The following KHDRBS2 variants were observed in gnomAD, a reference collection of about 807,000 sequenced individuals.
KHDRBS2 encodes KH RNA binding domain containing, signal transduction associated 2.
Under a neutral mutation model 44.3 loss-of-function variants are expected in KHDRBS2, and 26 were observed. That is an observed-to-expected ratio of 0.59 (90% CI 0.43 to 0.81). The LOEUF is 0.81. Ranked by LOEUF, KHDRBS2 falls within the 40% of genes least tolerant of loss-of-function variation. KHDRBS2 has a pLI of 0.00. For synonymous variants in KHDRBS2, 194 were observed against 151.1 expected, an observed-to-expected ratio of 1.28 and a Z score of -2.08; for missense variants, 476 against 433.1, an observed-to-expected ratio of 1.10 and a Z score of -0.88.
intron 6 of KHDRBS2, among the ~76,000 whole-genome samples, chr6:61,788,723 G>C (rs1194680378): frequency 6.6e-6 from 1 of 150,938 alleles, no homozygotes; most frequent in African/African-American, 2.4e-5. Context: ...CTGATTATAG[G>C]AGAATAATTT....
At chr6:62,142,915 C>G (rs1274478800) in intron 2 of KHDRBS2, among the ~76,000 whole-genome samples, 1 of 149,290 alleles carries the variant, frequency 6.7e-6, no homozygotes, top group Non-Finnish European at 1.5e-5. Flanking sequence ...ATTTGTGTTT[C>G]AATGATTTGT....
chr6:61,603,829 C>T, the KHDRBS2 span, among the ~76,000 whole-genome samples: 1 of 152,166 alleles, frequency 6.6e-6, no homozygotes, highest in Admixed American at 6.5e-5. Flanking sequence ...CCAGATACCA[C>T]ACCTGACCAC....
At chr6:61,567,447 A>T in the KHDRBS2 span, among the ~76,000 whole-genome samples, 1 of 152,174 alleles carries the variant, frequency 6.6e-6, no homozygotes. Flanking sequence ...CAGCCTCAGC[A>T]ACAAGGCAAG....
intron 6 of KHDRBS2, among the ~76,000 whole-genome samples, chr6:61,890,443 A>G (rs191704546): frequency 3.8e-4 from 58 of 152,324 alleles, no homozygotes; most frequent in African/African-American, 1.2e-3. Flanking sequence ...TTCACTATAA[A>G]TTGGAACACA....
chr6:62,060,615 C>G (rs1388903496), intron 2 of KHDRBS2, among the ~76,000 whole-genome samples: 4 of 143,396 alleles, frequency 2.8e-5, no homozygotes, highest in Admixed American at 1.4e-4. Context: ...CTCTGTCTCT[C>G]TCTCTCTCTC....
the KHDRBS2 span, among the ~76,000 whole-genome samples, chr6:61,606,233 C>A: frequency 5.3e-5 from 8 of 152,184 alleles, no homozygotes; most frequent in Non-Finnish European, 1.0e-4. Flanking sequence ...ATTGCTCACA[C>A]AAAGCCTGTT....
chr6:61,804,414 T>C (rs994099037), intron 6 of KHDRBS2, among the ~76,000 whole-genome samples: 2 of 152,128 alleles, frequency 1.3e-5, no homozygotes, highest in African/African-American at 4.8e-5. Flanking sequence ...GTGGATTTTC[T>C]AGGCACATGA....
At chr6:62,016,627 T>G (rs1466777038) in intron 3 of KHDRBS2, among the ~76,000 whole-genome samples, 1 of 149,282 alleles carries the variant, frequency 6.7e-6, no homozygotes, top group Non-Finnish European at 1.5e-5. Flanking sequence ...ATATATATAC[T>G]TGGATATTAA....
At chr6:62,166,000 C>T (rs1229313317) in intron 2 of KHDRBS2, among the ~76,000 whole-genome samples, 1 of 151,966 alleles carries the variant, frequency 6.6e-6, no homozygotes, top group African/African-American at 2.4e-5. Flanking sequence ...ACCGCTATTC[C>T]ACTTTCTGTC....
At chr6:61,588,807 G>A in the KHDRBS2 span, among the ~76,000 whole-genome samples, 1 of 151,990 alleles carries the variant, frequency 6.6e-6, no homozygotes, top group East Asian at 1.9e-4. Flanking sequence ...AAAAGACTTG[G>A]AACCAACCCA....
rs540210156 is a variant in KHDRBS2, at chr6:61,900,274, A to G, written c.611+970T>C. 2.0e-5 allele frequency among the ~76,000 whole-genome samples: 3 copies of G among 152,178 alleles called. No homozygotes were observed. The South Asian group carries it at 6.2e-4, about 32-fold the overall frequency. ...AGTGTTACAAACAGTGGCTATGTTG[A>G]TAGTGGTGGTTGAAAGTATTTGAGG... On this transcript the variant is annotated intron_variant, in intron 5 of 8. Transcript: ENST00000281156.
the KHDRBS2 span, among the ~76,000 whole-genome samples, chr6:61,574,630 G>T: frequency 1.3e-5 from 2 of 152,176 alleles, no homozygotes; most frequent in Non-Finnish European, 2.9e-5. Context: ...TACCCTAGGG[G>T]CGTGGTAGCT....
intron 2 of KHDRBS2, among the ~76,000 whole-genome samples, chr6:62,149,512 TC>T (rs758159558): frequency 3.3e-5 from 5 of 151,922 alleles, no homozygotes; most frequent in Non-Finnish European, 7.4e-5. Flanking sequence ...CTTTGTCCAT[TC>T]CCCCAACTAA....
At chr6:62,129,221 C>A (rs1809683111) in intron 2 of KHDRBS2, among the ~76,000 whole-genome samples, 1 of 151,868 alleles carries the variant, frequency 6.6e-6, no homozygotes, top group African/African-American at 2.4e-5. Context: ...TTATTAAAAC[C>A]CCACAACAAG....
At chr6:62,162,581 T>C (rs1354940017) in intron 2 of KHDRBS2, among the ~76,000 whole-genome samples, 5 of 152,086 alleles carry the variant, frequency 3.3e-5, no homozygotes, top group Non-Finnish European at 1.5e-5. Flanking sequence ...TCAAAATTAA[T>C]GGCAATTTAC....
rs1477335256 is a variant in KHDRBS2, at chr6:61,955,592, A to G, written c.483+22474T>C. Among the ~76,000 whole-genome samples the G allele has an allele frequency of 9.0e-5, 6 of 66,748 alleles. 2 individuals are homozygous for G. Among genetic ancestry groups the G allele is most frequent in the Non-Finnish European group, 2.0e-4 (6 of 29,518 alleles). 43.8% of individuals were successfully genotyped at this position (66,748 alleles called of 152,430 possible). A position where few individuals can be genotyped will look rare whatever the true frequency, so the allele number is the denominator to read the frequency against. On this transcript the variant is annotated intron_variant, in intron 4 of 8. Coordinates refer to ENST00000281156, the MANE Select transcript of KHDRBS2 (RefSeq NM_152688.4). ...TATATACACGTATGTATGTATGTATACATGTGTGTATATACACGTATGTAT... is the reference window on the plus strand; with the variant it reads ...TATATACACGTATGTATGTATGTATGCATGTGTGTATATACACGTATGTAT...
the KHDRBS2 span, among the ~76,000 whole-genome samples, chr6:61,668,943 T>C: frequency 6.6e-6 from 1 of 150,980 alleles, no homozygotes; most frequent in African/African-American, 2.4e-5. Flanking sequence ...AACAAATAAG[T>C]AACCATGACT....
rs192420275 is a variant in KHDRBS2 at position 62,038,343 on chromosome 6, T to G, written c.336+9535A>C. 3.2e-3 allele frequency among the ~76,000 whole-genome samples: 490 copies of G among 151,896 alleles called. 10 individuals carry two copies. The highest frequency in any genetic ancestry group is 0.03 in the Admixed American group (451 of 15,208). Reference sequence around the variant, plus strand: ...CTGATTTTTTTTTTTTCTTTTTTGGTCTTTCTTTGAGCTCCGTTTAGTGTC... The same window carrying G: ...CTGATTTTTTTTTTTTCTTTTTTGGGCTTTCTTTGAGCTCCGTTTAGTGTC... On this transcript the variant is annotated intron_variant, in intron 3 of 8. Coordinates refer to ENST00000281156, the MANE Select transcript of KHDRBS2 (RefSeq NM_152688.4).
the KHDRBS2 span, among the ~76,000 whole-genome samples, chr6:61,574,786 G>A: frequency 2.8e-3 from 422 of 152,134 alleles, 4 homozygotes; most frequent in South Asian, 8.9e-3. Flanking sequence ...GCGGGGGCCC[G>A]TAATCCCAGC....
Sources: allele counts gnomAD v4.1 joint callset (sites outside exome capture counted in the v4.1 genomes callset), GRCh38; gene constraint gnomAD v4.1.1; transcripts MANE v1.5; gene names NCBI Gene and HGNC (gene_info 2026-07-23, HGNC 2026-07-21).